Variants in SCAI observed in about 807,000 individuals in gnomAD.
The protein encoded by SCAI is protein SCAI.
SCAI carries 24 observed loss-of-function variants against 92.2 expected under a neutral mutation model. The ratio of observed to expected loss-of-function variants is 0.26; its 90% CI spans 0.19 to 0.37. The LOEUF is 0.37. Among genes scored for constraint, SCAI ranks in the 10% least tolerant of loss-of-function variants. The pLI, the probability that SCAI is intolerant of heterozygous loss-of-function variation, is 1.00. For missense variants in SCAI, 450 were observed against 736.2 expected (o/e 0.61, Z 4.50); for synonymous variants, 261 against 258.6 (o/e 1.01, Z -0.09).
At chr9:125,138,684 G>A (rs762837317) in intron 2 of SCAI, among the ~76,000 whole-genome samples, 3 of 152,138 alleles carry the variant, frequency 2.0e-5, no homozygotes, top group Non-Finnish European at 4.4e-5. Flanking sequence ...AAAGTGCTGG[G>A]ATTACAGGAT....
intron 9 of SCAI, among the ~76,000 whole-genome samples, chr9:125,018,018 C>T (rs1014505917): frequency 4.6e-5 from 7 of 151,518 alleles, no homozygotes; most frequent in Non-Finnish European, 8.8e-5. Flanking sequence ...CAAAAAAAAA[C>T]AAAACACAAA....
chr9:125,127,932 C>T (rs1835311933), intron 2 of SCAI, among the ~76,000 whole-genome samples: 2 of 151,752 alleles, frequency 1.3e-5, no homozygotes, highest in African/African-American at 4.8e-5. Flanking sequence ...TGCTTGAACC[C>T]AGGAGGTGGA....
At chr9:125,141,182 G>A (rs868685239) in intron 2 of SCAI, among the ~76,000 whole-genome samples, 18 of 152,078 alleles carry the variant, frequency 1.2e-4, no homozygotes, top group Non-Finnish European at 1.8e-4. Flanking sequence ...TAAAAATTTA[G>A]TTCCTCAGTC....
chr9:125,018,980 G>A (rs1017530), intron 8 of SCAI, 29 bp from the exon 9 acceptor site: 279,468 of 1,602,326 alleles, frequency 0.17, 27,332 homozygotes, highest in Admixed American at 0.32. Context: ...AGAACTTAAC[G>A]AATGGCCAAG....
At chr9:124,987,376 G>A (rs1190547208) in intron 14 of SCAI, among the ~76,000 whole-genome samples, 2 of 152,000 alleles carry the variant, frequency 1.3e-5, no homozygotes, top group Admixed American at 1.3e-4. Context: ...CATTACCACA[G>A]ACAAGGCCAA....
chr9:124,996,513 G>A (rs1488890905), intron 13 of SCAI, among the ~76,000 whole-genome samples: 1 of 152,026 alleles, frequency 6.6e-6, no homozygotes, highest in African/African-American at 2.4e-5. Context: ...ATGTTGCCAA[G>A]GCTGGTCTTG....
intron 13 of SCAI, among the ~76,000 whole-genome samples, chr9:124,997,886 AAAAAAG>A (rs907633525): frequency 2.6e-5 from 4 of 151,820 alleles, no homozygotes; most frequent in South Asian, 2.1e-4. Context: ...AAAAAAAAAA[AAAAAAG>A]AAAAGAAAAG....
At position 124,990,650 on chromosome 9, in the gene SCAI, A is replaced by G. The variant is rs182081269; in HGVS notation, c.1326+4284T>C. On this transcript the variant is annotated intron_variant, in intron 14 of 17. Transcript: ENST00000336505. Reference sequence around the variant, plus strand: ...ACATAACGCTAAAACTGAAGAATCAAGAATTATCAATGCCAGTATATTATT... The same window carrying G: ...ACATAACGCTAAAACTGAAGAATCAGGAATTATCAATGCCAGTATATTATT... Among the ~76,000 whole-genome samples, 6 of 152,350 alleles carry G rather than the reference A, an allele frequency of 3.9e-5. No homozygotes were observed. The East Asian group carries it at 9.6e-4, about 24-fold the overall frequency.
At chr9:125,046,376 T>G (rs1365112705) in intron 3 of SCAI, among the ~76,000 whole-genome samples, 2 of 122,492 alleles carry the variant, frequency 1.6e-5, no homozygotes, top group Non-Finnish European at 3.4e-5. Context: ...AGATAGGCCA[T>G]AAAAGGAATG....
At chr9:124,987,370 AC>A (rs1832017479) in intron 14 of SCAI, among the ~76,000 whole-genome samples, 1 of 152,094 alleles carries the variant, frequency 6.6e-6, no homozygotes, top group Non-Finnish European at 1.5e-5. Flanking sequence ...ATACTACATT[AC>A]CACAGACAAG....
chr9:125,076,299 G>A (rs1564403356), intron 2 of SCAI, among the ~76,000 whole-genome samples: 1 of 151,702 alleles, frequency 6.6e-6, no homozygotes, highest in Admixed American at 6.6e-5. Context: ...AGGAGTTCCA[G>A]ACCAGCTTGG....
intron 2 of SCAI, among the ~76,000 whole-genome samples, chr9:125,112,675 A>C (rs1207316608): frequency 6.6e-6 from 1 of 152,234 alleles, no homozygotes; most frequent in Non-Finnish European, 1.5e-5. Flanking sequence ...AGCAACAAAC[A>C]CACCTAACAC....
chr9:125,026,380 C>CAA lies in SCAI; in HGVS notation c.512+430_512+431dup, dbSNP rs1250420836. Among the ~76,000 whole-genome samples, 24 of 62,478 alleles carry CAA rather than the reference C, an allele frequency of 3.8e-4. 1 individual carries two copies. The highest frequency in any genetic ancestry group is 1.5e-3 in the African/African-American group (24 of 16,004). 41.0% of individuals were successfully genotyped at this position (62,478 alleles called of 152,430 possible). Reference sequence around the variant, plus strand: ...GGGCGACAGAGCAAGACTCCACCTCCAAAAAAAAAAAAAAAGAGAGAGAAA... The same window carrying CAA: ...GGGCGACAGAGCAAGACTCCACCTCCAAAAAAAAAAAAAAAAAGAGAGAGAAA... On this transcript the variant is annotated intron_variant, in intron 6 of 17. Coordinates refer to ENST00000336505, the MANE Select transcript of SCAI (RefSeq NM_001144877.3).
intron 3 of SCAI, among the ~76,000 whole-genome samples, chr9:125,036,886 T>C (rs1564388066): frequency 6.6e-6 from 1 of 152,198 alleles, no homozygotes; most frequent in Non-Finnish European, 1.5e-5. Flanking sequence ...TTGGGGAGGC[T>C]AAGGCGGGAA....
In SCAI at chr9:124,977,611, C is replaced by T. The variant is rs527629650; in HGVS notation, c.1327-1425G>A. Among the ~76,000 whole-genome samples the T allele has an allele frequency of 2.6e-5, 4 of 152,260 alleles. No homozygotes were observed. In the East Asian group the frequency reaches 7.7e-4, roughly 29 times the overall value. ...ATCACTTGCACCAGGGAGGTCAAGG[C>T]TACAATGAGCTCTGATTGTGCCACT... On this transcript the variant is annotated intron_variant, in intron 14 of 17. Coordinates refer to ENST00000336505, the MANE Select transcript of SCAI (RefSeq NM_001144877.3).
chr9:125,130,176 G>A (rs1358578849), intron 2 of SCAI, among the ~76,000 whole-genome samples: 1 of 152,154 alleles, frequency 6.6e-6, no homozygotes, highest in East Asian at 1.9e-4. Context: ...TGGGATTACA[G>A]GCATGAGCCA....
intron 9 of SCAI, among the ~76,000 whole-genome samples, chr9:125,008,295 C>A (rs370441013): frequency 2.0e-5 from 3 of 152,248 alleles, no homozygotes; most frequent in African/African-American, 7.2e-5. Context: ...AAAGCATAAG[C>A]CACCATGCCT....
Position 124,950,390 on chromosome 9 carries a change from T to A in SCAI, c.*2417A>T, listed in dbSNP as rs962171959. 6.6e-6 allele frequency: 1 copy of A among 152,178 alleles called. No individual in the cohort carries two copies. Among genetic ancestry groups the A allele is most frequent in the African/African-American group, 2.4e-5 (1 of 41,454 alleles). 9.4% of individuals were successfully genotyped at this position (152,178 alleles called of 1,614,324 possible). ...CTTAAGTTACCAGGAAAGCCAGGAC[T>A]AGAACTTAGGTCTCCTAGTTCTCAG... On this transcript the variant is annotated 3_prime_UTR_variant, in exon 18 of 18. Coordinates refer to ENST00000336505, the MANE Select transcript of SCAI (RefSeq NM_001144877.3).
chr9:124,982,512 A>C (rs1327015728), intron 14 of SCAI, among the ~76,000 whole-genome samples: 10 of 151,744 alleles, frequency 6.6e-5, no homozygotes. Flanking sequence ...TCTCTACTAA[A>C]AATAAAAAAA....
Sources: allele counts gnomAD v4.1 joint callset (sites outside exome capture counted in the v4.1 genomes callset), GRCh38; gene constraint gnomAD v4.1.1; transcripts MANE v1.5; gene names NCBI Gene and HGNC (gene_info 2026-07-23, HGNC 2026-07-21).